ADAMTSL1: variants seen among roughly 807,000 people sequenced by gnomAD.
The protein encoded by ADAMTSL1 is ADAMTS-like protein 1.
In ADAMTSL1, 126 loss-of-function variants were observed where a neutral mutation model predicts 201.8. The observed-to-expected ratio is 0.62, with a 90% CI of 0.54 to 0.72. ADAMTSL1 has a LOEUF of 0.72. Among genes scored for constraint, ADAMTSL1 ranks in the 30% least tolerant of loss-of-function variants. The pLI is 0.00. For synonymous variants in ADAMTSL1, 1,121 were observed against 903.4 expected (o/e 1.24, Z -4.32); for missense variants, 2,679 against 2,277.8 (o/e 1.18, Z -3.59).
rs762940695 is a variant in ADAMTSL1 at position 18,706,987 on chromosome 9, C to T, written c.1815C>T (p.Phe605=). ...GGCTCTTTGGTGGCCTGCAGGATTT[C>T]GACGAGCTGTATGACTGGGAGTATG... ...TDGLFGGLQD[F]DELYDWEYEG... is the part of the protein sequence containing the mutation. Residue 605 remains phenylalanine (F), a synonymous_variant, in exon 14 of 29, where the codon TTC becomes TTT. Coordinates refer to ENST00000380548, the MANE Select transcript of ADAMTSL1 (RefSeq NM_001040272.6). The T allele has an allele frequency of 1.9e-6, 3 of 1,613,812 alleles. No individual in the cohort carries two copies. The highest frequency in any genetic ancestry group is 1.1e-5 in the South Asian group (1 of 91,068).
intron 1 of ADAMTSL1, among the ~76,000 whole-genome samples, chr9:18,492,890 G>T (rs1348286916): frequency 6.6e-6 from 1 of 152,128 alleles, no homozygotes; most frequent in Non-Finnish European, 1.5e-5. Context: ...AAATCCTGTT[G>T]CCTAGACTGT....
chr9:18,147,229 A>G (rs563605690), intron 1 of ADAMTSL1, among the ~76,000 whole-genome samples: 24 of 152,158 alleles, frequency 1.6e-4, no homozygotes, highest in Non-Finnish European at 3.2e-4. Flanking sequence ...ATTTGATTCT[A>G]GCTATAGAAA....
chr9:18,445,669 T>TA (rs1173382519), intron 2 of ADAMTSL1, among the ~76,000 whole-genome samples: 3 of 152,070 alleles, frequency 2.0e-5, no homozygotes, highest in Non-Finnish European at 2.9e-5. Flanking sequence ...ATGCTGAAAG[T>TA]ATTTGATTCC....
At chr9:18,456,421 T>C (rs749353242) in intron 2 of ADAMTSL1, among the ~76,000 whole-genome samples, 2 of 152,150 alleles carry the variant, frequency 1.3e-5, no homozygotes, top group Non-Finnish European at 2.9e-5. Context: ...TCCACTAGAT[T>C]TTCCTTTTGG....
chr9:18,140,095 C>A (rs1826334080), intron 1 of ADAMTSL1, among the ~76,000 whole-genome samples: 1 of 152,088 alleles, frequency 6.6e-6, no homozygotes, highest in Non-Finnish European at 1.5e-5. Flanking sequence ...GTGTGTAAAT[C>A]ACTGCACTGG....
At chr9:18,680,278 A>AT (rs757545286) in intron 10 of ADAMTSL1, 34 bp from the exon 11 acceptor site, 1 of 1,602,208 alleles carries the variant, frequency 6.2e-7, no homozygotes, top group African/African-American at 1.3e-5. Flanking sequence ...AGCAATGTGC[A>AT]TGTCTGCCCT....
At chr9:18,478,081 A>G (rs921480724) in intron 1 of ADAMTSL1, among the ~76,000 whole-genome samples, 4 of 152,188 alleles carry the variant, frequency 2.6e-5, no homozygotes, top group African/African-American at 9.7e-5. Context: ...TTATGTATGT[A>G]TAAATTGGAA....
At chr9:18,811,820 C>G (rs949839489) in intron 20 of ADAMTSL1, among the ~76,000 whole-genome samples, 1 of 152,080 alleles carries the variant, frequency 6.6e-6, no homozygotes, top group African/African-American at 2.4e-5. Context: ...TACAACTTGT[C>G]CCTATTTGCA....
At chr9:18,303,256 T>C (rs1232934145) in intron 2 of ADAMTSL1, among the ~76,000 whole-genome samples, 1 of 152,240 alleles carries the variant, frequency 6.6e-6, no homozygotes, top group Non-Finnish European at 1.5e-5. Flanking sequence ...AATTTCTTTT[T>C]AAAGAGTTGT....
chr9:18,535,882 T>C (rs764402492), intron 3 of ADAMTSL1, among the ~76,000 whole-genome samples: 134 of 152,306 alleles, frequency 8.8e-4, no homozygotes, highest in Non-Finnish European at 1.5e-3. Context: ...CTCCACCTGG[T>C]TCTTCCCTTG....
intron 26 of ADAMTSL1, among the ~76,000 whole-genome samples, chr9:18,905,103 C>T (rs1410061277): frequency 6.6e-6 from 1 of 152,178 alleles, no homozygotes; most frequent in Admixed American, 6.5e-5. Context: ...GATGCGTATC[C>T]TCTTGTTTTA....
At chr9:18,817,018 C>A in intron 20 of ADAMTSL1, 91 bp from the exon 21 acceptor site, 1 of 1,482,168 alleles carries the variant, frequency 6.7e-7, no homozygotes, top group Non-Finnish European at 9.0e-7. Flanking sequence ...GTAGACCAGC[C>A]ATGCATTGGT....
intron 1 of ADAMTSL1, among the ~76,000 whole-genome samples, chr9:18,005,954 T>C (rs1819801378): frequency 1.3e-5 from 2 of 152,020 alleles, no homozygotes; most frequent in Admixed American, 1.3e-4. Flanking sequence ...TCTCATAGAC[T>C]TATTGATATG....
intron 2 of ADAMTSL1, among the ~76,000 whole-genome samples, chr9:18,342,313 A>G (rs1279794158): frequency 6.6e-6 from 1 of 152,136 alleles, no homozygotes; most frequent in Non-Finnish European, 1.5e-5. Context: ...TATATAGGTC[A>G]TTGACTTTAA....
intron 2 of ADAMTSL1, among the ~76,000 whole-genome samples, chr9:18,414,118 G>A (rs1279946837): frequency 6.6e-6 from 1 of 152,130 alleles, no homozygotes; most frequent in Admixed American, 6.6e-5. Flanking sequence ...ATTCAAGTAT[G>A]AGTGTAATAA....
chr9:18,088,857 C>T (rs1823880987), intron 1 of ADAMTSL1, among the ~76,000 whole-genome samples: 1 of 152,122 alleles, frequency 6.6e-6, no homozygotes, highest in South Asian at 2.1e-4. Flanking sequence ...ATAGAACTCC[C>T]ATATGATCTA....
At chr9:18,653,393 C>T (rs1828418793) in intron 7 of ADAMTSL1, among the ~76,000 whole-genome samples, 1 of 152,172 alleles carries the variant, frequency 6.6e-6, no homozygotes, top group Non-Finnish European at 1.5e-5. Context: ...CTTCTTCGTT[C>T]TTTAGACAAC....
chr9:18,736,086 C>T, intron 15 of ADAMTSL1, among the ~76,000 whole-genome samples: 1 of 152,052 alleles, frequency 6.6e-6, no homozygotes. Context: ...ATAAACAAGA[C>T]ATTTATTGAT....
At chr9:18,394,839 A>G (rs1314749002) in intron 2 of ADAMTSL1, among the ~76,000 whole-genome samples, 3 of 152,230 alleles carry the variant, frequency 2.0e-5, no homozygotes, top group Non-Finnish European at 4.4e-5. Flanking sequence ...GGAACACTTA[A>G]TCAGCTTTTT....
Sources: gnomAD v4.1 joint callset for allele counts (sites outside exome capture counted in the v4.1 genomes callset) on GRCh38, gnomAD v4.1.1 for gene constraint, MANE v1.5 for transcripts, NCBI Gene and HGNC (gene_info 2026-07-23, HGNC 2026-07-21) for gene names.